The following PLEKHA6 variants were observed in gnomAD, a reference collection of about 807,000 sequenced individuals.
PLEKHA6 encodes pleckstrin homology domain containing A6.
Under a neutral mutation model 116.7 loss-of-function variants are expected in PLEKHA6, and 60 were observed. That is an observed-to-expected ratio of 0.51 (90% CI 0.42 to 0.64). The LOEUF is 0.64. Among genes scored for constraint, PLEKHA6 ranks in the 30% least tolerant of loss-of-function variants. PLEKHA6 has a pLI of 0.00. For missense variants in PLEKHA6, 1,338 were observed against 1,422.7 expected (o/e 0.94, Z 0.96); for synonymous variants, 489 against 556.1 (o/e 0.88, Z 1.70).
rs1335870103 is a variant in PLEKHA6, at chr1:204,330,452, A to C, written c.-95+29242T>G. On this transcript the variant is annotated intron_variant, in intron 1 of 22. Coordinates refer to ENST00000272203, the MANE Select transcript of PLEKHA6 (RefSeq NM_014935.5). ...AGCTTGGGCACATTGGTGTTATTAT[A>C]GCAGTCTCTCTACTTTTGTGTATGC... Among the ~76,000 whole-genome samples, 6 of 152,364 alleles carry C rather than the reference A, an allele frequency of 3.9e-5. No homozygotes were observed. In the South Asian group the frequency reaches 6.2e-4, roughly 16 times the overall value.
intron 15 of PLEKHA6, 90 bp downstream of exon 15, chr1:204,244,774 A>C: frequency 4.9e-4 from 474 of 968,408 alleles, no homozygotes; most frequent in Non-Finnish European, 6.4e-4. Flanking sequence ...CCTGTGGGGA[A>C]GAGATGGGCA....
chr1:204,318,015 C>T (rs1470285504), intron 1 of PLEKHA6, among the ~76,000 whole-genome samples: 3 of 152,216 alleles, frequency 2.0e-5, no homozygotes, highest in Admixed American at 2.0e-4. Flanking sequence ...CACTTATACA[C>T]ACATGAGTGC....
intron 1 of PLEKHA6, among the ~76,000 whole-genome samples, chr1:204,348,716 C>A (rs1257017382): frequency 1.9e-4 from 3 of 15,698 alleles, no homozygotes; most frequent in Non-Finnish European, 3.8e-4. Flanking sequence ...GGTGCCAAAC[C>A]CCCCCCCCGC....
At chr1:204,334,402 T>C (rs937886562) in intron 1 of PLEKHA6, among the ~76,000 whole-genome samples, 7 of 152,204 alleles carry the variant, frequency 4.6e-5, no homozygotes, top group African/African-American at 1.7e-4. Flanking sequence ...GTGCTCCTCA[T>C]AAGATCACCA....
chr1:204,229,893 G>A (rs1405599096), intron 18 of PLEKHA6, among the ~76,000 whole-genome samples: 1 of 152,200 alleles, frequency 6.6e-6, no homozygotes, highest in Non-Finnish European at 1.5e-5. Flanking sequence ...TGTAGCCCAG[G>A]AATCCTTTAA....
intron 1 of PLEKHA6, among the ~76,000 whole-genome samples, chr1:204,315,583 C>G (rs925885652): frequency 2.0e-4 from 30 of 152,100 alleles, no homozygotes; most frequent in Non-Finnish European, 3.8e-4. Context: ...TTAAACACCC[C>G]CAGCCCACAG....
intron 1 of PLEKHA6, among the ~76,000 whole-genome samples, chr1:204,318,255 C>T (rs1292327666): frequency 6.6e-6 from 1 of 151,950 alleles, no homozygotes; most frequent in Non-Finnish European, 1.5e-5. Flanking sequence ...CTGGACAGAG[C>T]GTGTAGAGGA....
chr1:204,376,153 A>T (rs1044543876), intron 1 of PLEKHA6, among the ~76,000 whole-genome samples: 1 of 152,226 alleles, frequency 6.6e-6, no homozygotes, highest in Non-Finnish European at 1.5e-5. Flanking sequence ...CAAAGAGTGG[A>T]TGCCCAATAA....
At chr1:204,249,893 C>T (rs1192235258) in intron 10 of PLEKHA6, among the ~76,000 whole-genome samples, 1 of 152,174 alleles carries the variant, frequency 6.6e-6, no homozygotes, top group Non-Finnish European at 1.5e-5. Context: ...TTTATTCATG[C>T]CATTCCTCAA....
intron 1 of PLEKHA6, chr1:204,309,643 A>C: frequency 1.5e-6 from 1 of 688,806 alleles, no homozygotes; most frequent in Non-Finnish European, 1.8e-6. Context: ...TGCACTTCTC[A>C]GAATGTAGCC....
chr1:204,301,877 CTGA>C (rs1156905266), intron 1 of PLEKHA6, among the ~76,000 whole-genome samples: 1 of 152,162 alleles, frequency 6.6e-6, no homozygotes. Flanking sequence ...TAGGGACTTA[CTGA>C]TGATTATTAT....
At chr1:204,324,922 A>G (rs372407471) in intron 1 of PLEKHA6, among the ~76,000 whole-genome samples, 1 of 151,916 alleles carries the variant, frequency 6.6e-6, no homozygotes, top group East Asian at 1.9e-4. Context: ...TTATTTATTT[A>G]TTTATTTATT....
intron 17 of PLEKHA6, 103 bp from the exon 18 acceptor site, chr1:204,230,689 A>G: frequency 3.1e-6 from 3 of 970,508 alleles, no homozygotes; most frequent in Non-Finnish European, 4.5e-6. Context: ...GTCTGCCTGT[A>G]GTGGACTGAA....
At chr1:204,279,950 G>C (rs891178857) in intron 1 of PLEKHA6, among the ~76,000 whole-genome samples, 1 of 152,166 alleles carries the variant, frequency 6.6e-6, no homozygotes, top group Non-Finnish European at 1.5e-5. Context: ...TAATGGCTAT[G>C]ATCATTCTAC....
intron 3 of PLEKHA6, among the ~76,000 whole-genome samples, chr1:204,365,016 G>A (rs1235689576): frequency 2.6e-5 from 4 of 152,154 alleles, no homozygotes; most frequent in Non-Finnish European, 5.9e-5. Context: ...AGTGTTCTCA[G>A]GTGGGCATGA....
In PLEKHA6 at chr1:204,230,441, T is replaced by C. The variant is rs772585183; in HGVS notation, c.2555A>G (p.Asp852Gly). 1 of 1,585,214 alleles carries C rather than the reference T, an allele frequency of 6.3e-7. No homozygotes were observed. The highest frequency in any genetic ancestry group is 8.6e-7 in the Non-Finnish European group (1 of 1,166,378). ...SLQLPASPAP[D>G]PSPRPAYKVV... ...TTTGTAGGCTGGCCGGGGACTGGGG[T>C]CGGGGGCCGGGCTGGCCGGGAGCTG... Residue 852 changes from aspartate (D) to glycine (G), a missense_variant, in exon 18 of 23, where the codon GAC becomes GGC. By Grantham distance (94) the Asp-to-Gly change is moderately conservative (BLOSUM62 -1). Around this residue, in one of 3 missense-constraint regions of PLEKHA6, gnomAD observed 1,136 missense variants for 1,163.6 expected, o/e 0.98. Transcript: ENST00000272203.
intron 9 of PLEKHA6, chr1:204,255,804 C>T: frequency 1.5e-6 from 1 of 650,502 alleles, no homozygotes; most frequent in South Asian, 1.8e-5. Flanking sequence ...AGAGGCTTCT[C>T]CCTCTGCCCT....
rs549504388 is a variant in PLEKHA6 at position 204,232,426 on chromosome 1, T to A, written c.2410-1840A>T. Among the ~76,000 whole-genome samples, 6 of 152,186 alleles carry A rather than the reference T, an allele frequency of 3.9e-5. No individual in the cohort carries two copies. In the Middle Eastern group the frequency reaches 0.01, roughly 259 times the overall value. On this transcript the variant is annotated intron_variant, in intron 17 of 22. Coordinates refer to ENST00000272203, the MANE Select transcript of PLEKHA6 (RefSeq NM_014935.5). Reference sequence around the variant, plus strand: ...GGGTCAAGGATGTAGCTGGACAACATTTTGCTAAAGAGATTAGGTATGTCT... The same window carrying A: ...GGGTCAAGGATGTAGCTGGACAACAATTTGCTAAAGAGATTAGGTATGTCT...
chr1:204,226,704 C>A (rs1458667455), intron 21 of PLEKHA6, among the ~76,000 whole-genome samples: 3 of 152,136 alleles, frequency 2.0e-5, no homozygotes, highest in Admixed American at 6.5e-5. Flanking sequence ...TCCCTGGACA[C>A]CCATTCTAAA....
Sources: allele counts gnomAD v4.1 joint callset (sites outside exome capture counted in the v4.1 genomes callset), GRCh38; gene constraint gnomAD v4.1.1; regional missense constraint gnomAD v4.1.1; transcripts MANE v1.5; gene names NCBI Gene and HGNC (gene_info 2026-07-23, HGNC 2026-07-21).